Variants in LRRC4C observed in about 807,000 individuals in gnomAD.
The protein encoded by LRRC4C is leucine-rich repeat-containing protein 4C.
LRRC4C carries 5 observed loss-of-function variants against 33.6 expected under a neutral mutation model. That is an observed-to-expected ratio of 0.15 (90% CI 0.08 to 0.31). The LOEUF (loss-of-function observed/expected upper bound fraction) is 0.31. Among genes scored for constraint, LRRC4C ranks in the 10% least tolerant of loss-of-function variants. The probability of loss-of-function intolerance (pLI) is 1.00; values close to 1 mark genes in which losing one functional copy is unlikely to be tolerated. For missense variants in LRRC4C, 560 were observed against 796.7 expected (o/e 0.70, Z 3.58); for synonymous variants, 329 against 302.0 (o/e 1.09, Z -0.93).
chr11:41,391,665 C>T (rs1328318182), intron 1 of LRRC4C, among the ~76,000 whole-genome samples: 1 of 151,798 alleles, frequency 6.6e-6, no homozygotes, highest in African/African-American at 2.4e-5. Flanking sequence ...CCCCCTAAAA[C>T]CCAAGGTGCA....
intron 4 of LRRC4C, among the ~76,000 whole-genome samples, chr11:40,283,741 G>A (rs1382706920): frequency 1.9e-5 from 2 of 104,776 alleles, no homozygotes; most frequent in Admixed American, 1.6e-4. Flanking sequence ...TTTCACTCTC[G>A]TTACCCAGGC....
intron 4 of LRRC4C, among the ~76,000 whole-genome samples, chr11:40,282,100 G>A (rs540087044): frequency 7.9e-5 from 12 of 152,172 alleles, no homozygotes; most frequent in African/African-American, 2.2e-4. Context: ...TAAATCTTTC[G>A]CACTTTTGGA....
At chr11:40,566,086 GTTTTTTTTTTTTTT>G in intron 3 of LRRC4C, among the ~76,000 whole-genome samples, 1 of 62,798 alleles carries the variant, frequency 1.6e-5, no homozygotes, top group African/African-American at 6.4e-5. Flanking sequence ...TTTTTACTAA[GTTTTTTTTTTTTTT>G]TTTTTTTTTA....
intron 2 of LRRC4C, among the ~76,000 whole-genome samples, chr11:40,727,248 C>G (rs1162487347): frequency 6.6e-6 from 1 of 151,926 alleles, no homozygotes; most frequent in Non-Finnish European, 1.5e-5. Flanking sequence ...AATACAGAAC[C>G]CAGAAATAAA....
chr11:40,589,795 G>C (rs921572719), intron 3 of LRRC4C, among the ~76,000 whole-genome samples: 2 of 149,698 alleles, frequency 1.3e-5, no homozygotes, highest in Non-Finnish European at 3.0e-5. Flanking sequence ...TAAGAATGTT[G>C]AATATTGGCC....
chr11:40,618,383 A>G (rs1269285555), intron 3 of LRRC4C, among the ~76,000 whole-genome samples: 6 of 151,536 alleles, frequency 4.0e-5, no homozygotes, highest in Non-Finnish European at 8.9e-5. Context: ...CATGGGACAT[A>G]TTTTCTCTCA....
chr11:41,054,927 A>AT (rs1858509388), intron 1 of LRRC4C, among the ~76,000 whole-genome samples: 1 of 152,190 alleles, frequency 6.6e-6, no homozygotes, highest in African/African-American at 2.4e-5. Flanking sequence ...ACCGACTTGT[A>AT]TTGTAAATTT....
At chr11:41,032,973 A>G (rs1345182418) in intron 1 of LRRC4C, among the ~76,000 whole-genome samples, 1 of 152,036 alleles carries the variant, frequency 6.6e-6, no homozygotes, top group Admixed American at 6.6e-5. Context: ...TTGTTCTTGC[A>G]CTAGAAAAAA....
At chr11:40,926,087 A>G (rs1957397968) in intron 2 of LRRC4C, among the ~76,000 whole-genome samples, 1 of 144,552 alleles carries the variant, frequency 6.9e-6, no homozygotes, top group African/African-American at 2.5e-5. Context: ...TTGTTGTTTA[A>G]TCAGCAGAAA....
At chr11:40,149,161 G>T (rs1857983384) in intron 5 of LRRC4C, among the ~76,000 whole-genome samples, 1 of 152,100 alleles carries the variant, frequency 6.6e-6, no homozygotes, top group African/African-American at 2.4e-5. Context: ...GGCTTTTTGT[G>T]GGTGTTAAGG....
At chr11:41,323,365 A>G (rs1337156811) in intron 1 of LRRC4C, among the ~76,000 whole-genome samples, 1 of 152,206 alleles carries the variant, frequency 6.6e-6, no homozygotes, top group African/African-American at 2.4e-5. Context: ...GTTGAAATCA[A>G]GATAAAATAA....
At chr11:40,716,521 A>G (rs1416546996) in intron 2 of LRRC4C, among the ~76,000 whole-genome samples, 2 of 152,106 alleles carry the variant, frequency 1.3e-5, no homozygotes, top group African/African-American at 4.8e-5. Flanking sequence ...AGGTCATAGC[A>G]AATATTTGCT....
chr11:41,378,506 T>C (rs1953023848), intron 1 of LRRC4C, among the ~76,000 whole-genome samples: 1 of 152,150 alleles, frequency 6.6e-6, no homozygotes. Context: ...TTACAGTAAT[T>C]CATCTCTTAA....
At chr11:41,090,841 T>C (rs1940362603) in intron 1 of LRRC4C, among the ~76,000 whole-genome samples, 1 of 152,144 alleles carries the variant, frequency 6.6e-6, no homozygotes, top group African/African-American at 2.4e-5. Flanking sequence ...GTCTTTGTTT[T>C]CCCTTTGCCT....
chr11:40,955,242 A>T (rs1958904480), intron 1 of LRRC4C, among the ~76,000 whole-genome samples: 1 of 151,844 alleles, frequency 6.6e-6, no homozygotes. Flanking sequence ...CAGGGGACAA[A>T]CGTGTACCTA....
At chr11:41,310,465 C>T (rs571674422) in intron 1 of LRRC4C, among the ~76,000 whole-genome samples, 21 of 152,290 alleles carry the variant, frequency 1.4e-4, no homozygotes, top group African/African-American at 5.1e-4. Context: ...TTTATAAGAT[C>T]TGGATCAACT....
intron 1 of LRRC4C, among the ~76,000 whole-genome samples, chr11:40,945,260 TC>T (rs1306502002): frequency 2.6e-5 from 4 of 151,836 alleles, no homozygotes; most frequent in African/African-American, 9.7e-5. Flanking sequence ...GACCTCGTGA[TC>T]CACCCGTCTC....
chr11:41,449,049 G>A (rs1292438374), intron 1 of LRRC4C, among the ~76,000 whole-genome samples: 1 of 152,164 alleles, frequency 6.6e-6, no homozygotes. Context: ...TTATGCAAAG[G>A]TAGTCTCTAT....
At chr11:40,717,213 A>G (rs1290181226) in intron 2 of LRRC4C, among the ~76,000 whole-genome samples, 3 of 151,840 alleles carry the variant, frequency 2.0e-5, no homozygotes, top group Non-Finnish European at 4.4e-5. Flanking sequence ...ATCATAAATG[A>G]ACAGGACCTT....
Sources: allele counts gnomAD v4.1 joint callset (sites outside exome capture counted in the v4.1 genomes callset), GRCh38; gene constraint gnomAD v4.1.1; transcripts MANE v1.5; gene names NCBI Gene and HGNC (gene_info 2026-07-23, HGNC 2026-07-21).